RDX: variants seen among roughly 807,000 people sequenced by gnomAD.
The protein encoded by RDX is radixin, also known as deafness, autosomal recessive 24.
RDX carries 32 observed loss-of-function variants against 83.7 expected under a neutral mutation model. That is an observed-to-expected ratio of 0.38 (90% CI 0.29 to 0.51). RDX has a LOEUF of 0.51. RDX is among the 20% of genes least tolerant of loss of function. The pLI is 0.87. For synonymous variants in RDX, 229 were observed against 222.7 expected, an observed-to-expected ratio of 1.03 and a Z score of -0.25; for missense variants, 600 against 689.9, an observed-to-expected ratio of 0.87 and a Z score of 1.46.
intron 14 of RDX, among the ~76,000 whole-genome samples, chr11:110,217,532 A>G (rs995803494): frequency 3.3e-5 from 5 of 152,292 alleles, no homozygotes; most frequent in Non-Finnish European, 7.3e-5. Flanking sequence ...TCCTGAGGAG[A>G]GCAGCGCAAG....
chr11:110,219,310 G>A (rs533703872), intron 14 of RDX, among the ~76,000 whole-genome samples: 15 of 152,308 alleles, frequency 9.8e-5, no homozygotes, highest in Non-Finnish European at 2.1e-4. Flanking sequence ...GAAATCAGCA[G>A]AGGAGGCCCA....
intron 10 of RDX, among the ~76,000 whole-genome samples, chr11:110,243,079 C>T (rs1865163622): frequency 1.3e-5 from 2 of 152,026 alleles, no homozygotes; most frequent in African/African-American, 4.8e-5. Context: ...ATCTGAACTC[C>T]AAATTACTCC....
chr11:110,291,978 T>C (rs1394463834), intron 1 of RDX, among the ~76,000 whole-genome samples: 1 of 151,984 alleles, frequency 6.6e-6, no homozygotes, highest in Non-Finnish European at 1.5e-5. Context: ...ATACCCCGTA[T>C]CTACAAAAAG....
At chr11:110,265,102 T>G (rs1305055448) in intron 3 of RDX, among the ~76,000 whole-genome samples, 1 of 84,508 alleles carries the variant, frequency 1.2e-5, no homozygotes, top group Non-Finnish European at 3.0e-5. Flanking sequence ...AAGAAGTTTT[T>G]TTTTTTGTTT....
intron 7 of RDX, 145 bp from the exon 8 acceptor site, chr11:110,255,530 T>A: frequency 3.2e-6 from 2 of 623,790 alleles, no homozygotes; most frequent in Non-Finnish European, 5.8e-6. Context: ...CAGTTGACCT[T>A]ATCTTTTAAG....
chr11:110,253,035 TTTGAG>T (rs1396659420), intron 9 of RDX, among the ~76,000 whole-genome samples: 3 of 152,208 alleles, frequency 2.0e-5, no homozygotes, highest in Non-Finnish European at 2.9e-5. Flanking sequence ...AGGAAGATAA[TTTGAG>T]TTAATATGAC....
chr11:110,220,023 T>C (rs1193185021), intron 14 of RDX, among the ~76,000 whole-genome samples: 4 of 152,112 alleles, frequency 2.6e-5, no homozygotes, highest in African/African-American at 9.7e-5. Flanking sequence ...ACATATAAAT[T>C]ATGTATTTTG....
chr11:110,245,017 C>T lies in RDX; in HGVS notation c.1090+2686G>A, dbSNP rs569346219. On this transcript the variant is annotated intron_variant, in intron 10 of 13. Transcript: ENST00000645495. ...TCTCGCTCTGTCATCCAGGCAGAAG[C>T]GCAGTAGTGCAGTCTTGGCTCACTG... Among the ~76,000 whole-genome samples, 276 of 148,382 alleles carry T rather than the reference C, an allele frequency of 1.9e-3. 3 individuals are homozygous for T. Among genetic ancestry groups the T allele is most frequent in the Admixed American group, 3.2e-3 (47 of 14,752 alleles).
chr11:110,200,376 C>T (rs541325300), intron 14 of RDX: 5 of 152,318 alleles, frequency 3.3e-5, no homozygotes, highest in Non-Finnish European at 7.3e-5. Flanking sequence ...CTGCCATTCT[C>T]CGATATATCC....
At chr11:110,254,456 TAG>T (rs2134355593) in intron 8 of RDX, among the ~76,000 whole-genome samples, 1 of 152,218 alleles carries the variant, frequency 6.6e-6, no homozygotes, top group South Asian at 2.1e-4. Flanking sequence ...TTCATGGCTG[TAG>T]AGTTTTTTTT....
At chr11:110,269,979 T>C (rs1480534803) in intron 3 of RDX, among the ~76,000 whole-genome samples, 3 of 151,876 alleles carry the variant, frequency 2.0e-5, no homozygotes, top group Non-Finnish European at 4.4e-5. Context: ...GAGGCAGAGG[T>C]TACAGTGAGC....
intron 14 of RDX, among the ~76,000 whole-genome samples, chr11:110,200,091 A>G (rs1863349656): frequency 6.6e-6 from 1 of 152,208 alleles, no homozygotes; most frequent in Non-Finnish European, 1.5e-5. Flanking sequence ...TTTTATGTGA[A>G]GTTCTCTTTT....
intron 1 of RDX, among the ~76,000 whole-genome samples, chr11:110,291,953 C>A (rs1806469812): frequency 6.6e-6 from 1 of 151,988 alleles, no homozygotes; most frequent in Admixed American, 6.5e-5. Flanking sequence ...TGAGACCAGC[C>A]TGGGCAACAT....
chr11:110,184,157 G>A (rs780227175), intron 15 of RDX, among the ~76,000 whole-genome samples: 6 of 152,322 alleles, frequency 3.9e-5, no homozygotes, highest in African/African-American at 2.4e-5. Context: ...ACAATCTGGC[G>A]CTGGAGACGG....
At chr11:110,196,670 A>C (rs1197146030) in intron 15 of RDX, among the ~76,000 whole-genome samples, 1 of 152,076 alleles carries the variant, frequency 6.6e-6, no homozygotes, top group African/African-American at 2.4e-5. Context: ...CCCCTTCCCA[A>C]CTCAGGAATC....
At chr11:110,241,476 T>C (rs1354543701) in intron 10 of RDX, among the ~76,000 whole-genome samples, 1 of 152,130 alleles carries the variant, frequency 6.6e-6, no homozygotes, top group Non-Finnish European at 1.5e-5. Flanking sequence ...TTTTTATTTT[T>C]AGTAGAGATG....
At chr11:110,186,695 C>T (rs1024026674) in intron 15 of RDX, among the ~76,000 whole-genome samples, 29 of 152,038 alleles carry the variant, frequency 1.9e-4, no homozygotes, top group Non-Finnish European at 3.5e-4. Flanking sequence ...CGCAGGGGTT[C>T]CATACAACCC....
At chr11:110,284,210 A>G (rs1860884356) in intron 1 of RDX, among the ~76,000 whole-genome samples, 1 of 152,250 alleles carries the variant, frequency 6.6e-6, no homozygotes, top group Non-Finnish European at 1.5e-5. Flanking sequence ...AAAGCTACAC[A>G]GCTTTTTTGA....
chr11:110,243,263 C>T (rs539444533), intron 10 of RDX, among the ~76,000 whole-genome samples: 12 of 152,190 alleles, frequency 7.9e-5, no homozygotes, highest in African/African-American at 2.9e-4. Context: ...ATCTAAAACA[C>T]TGTGGTCCCC....
Sources: gnomAD v4.1 joint callset for allele counts (sites outside exome capture counted in the v4.1 genomes callset) on GRCh38, gnomAD v4.1.1 for gene constraint, MANE v1.5 for transcripts, NCBI Gene and HGNC (gene_info 2026-07-23, HGNC 2026-07-21) for gene names.